Variants in ZNF287 observed in about 807,000 individuals in gnomAD.
ZNF287 encodes zinc finger protein with KRAB and SCAN domains 13.
A neutral mutation model predicts 73.7 loss-of-function variants in ZNF287; 31 were observed. The ratio of observed to expected loss-of-function variants is 0.42; its 90% CI spans 0.32 to 0.57. The LOEUF (loss-of-function observed/expected upper bound fraction) is 0.57, where lower values mean the gene tolerates loss of function less well. Ranked by LOEUF, ZNF287 falls within the 20% of genes least tolerant of loss-of-function variation. The pLI, the probability that ZNF287 is intolerant of heterozygous loss-of-function variation, is 0.13. For synonymous variants in ZNF287, 301 were observed against 307.2 expected (o/e 0.98, Z 0.21); for missense variants, 641 against 909.3 (o/e 0.70, Z 3.79).
chr17:16,564,253 T>C (rs1015923864), intron 3 of ZNF287, among the ~76,000 whole-genome samples: 2 of 152,248 alleles, frequency 1.3e-5, no homozygotes, highest in African/African-American at 4.8e-5. Context: ...TGGACTGGAG[T>C]GCGATGGTAC....
In ZNF287 at chr17:16,552,761, A is replaced by C. The variant is rs1906763854; in HGVS notation, c.1381T>G (p.Phe461Val). The C allele has an allele frequency of 1.2e-6, 2 of 1,614,066 alleles. No individual in the cohort carries two copies. The highest frequency in any genetic ancestry group is 1.7e-6 in the Non-Finnish European group (2 of 1,179,986). ...PYKCDDCGKD[F>V]SQRAHLTIHQ... ...ATGGTAAGGTGTGCACGCTGACTGA[A>C]GTCTTTCCCACAGTCATCACACTTA... Residue 461 changes from phenylalanine (F) to valine (V), a missense_variant, in exon 6 of 6, where the codon TTC becomes GTC. Transcript: ENST00000395825. The surrounding 1 kb of genome is among the most constrained non-coding windows in gnomAD (Gnocchi z 6.5).
intron 5 of ZNF287, among the ~76,000 whole-genome samples, chr17:16,561,034 A>C (rs1470746462): frequency 2.8e-5 from 4 of 140,624 alleles, no homozygotes; most frequent in South Asian, 2.3e-4. Flanking sequence ...ACCATTTTGC[A>C]GCTGGGCACG....
At position 16,553,256 on chromosome 17, in the gene ZNF287, A is replaced by C; in HGVS notation, c.886T>G (p.Leu296Val). The C allele has an allele frequency of 6.2e-7, 1 of 1,613,602 alleles. No individual in the cohort carries two copies. The highest frequency in any genetic ancestry group is 8.5e-7 in the Non-Finnish European group (1 of 1,179,610). ...TATTCTTGTGAAAGGACTGACTTCA[A>C]ACTGAAACCTCTTTCATCAGTGTGA... ...KIHTDERGFSLKSVLSQEYDP... is the reference protein window; with the variant it reads ...KIHTDERGFSVKSVLSQEYDP... Residue 296 changes from leucine to valine, a missense_variant, in exon 6 of 6, where the codon TTG becomes GTG. By Grantham distance (32) the Leu-to-Val change is conservative (BLOSUM62 1). Around this residue, in one of 2 missense-constraint regions of ZNF287, gnomAD observed 357 missense variants for 442.4 expected, o/e 0.81. Coordinates refer to ENST00000395825, the MANE Select transcript of ZNF287 (RefSeq NM_020653.4).
Position 16,553,228 on chromosome 17 carries a change from T to A in ZNF287, c.914A>T (p.Asp305Val). Residue 305 changes from aspartate (D) to valine (V), a missense_variant, in exon 6 of 6, where the codon GAT becomes GTT. By Grantham distance (152) the Asp-to-Val change is radical. This residue lies in a region of ZNF287 where 357 missense variants were observed against 442.4 expected (regional missense o/e 0.81). Coordinates refer to ENST00000395825, the MANE Select transcript of ZNF287 (RefSeq NM_020653.4). ...TTTACTAAGACATTCTTCTGTAGGATCATATTCTTGTGAAAGGACTGACTT... is the reference window on the plus strand; with the variant it reads ...TTTACTAAGACATTCTTCTGTAGGAACATATTCTTGTGAAAGGACTGACTT... ...SLKSVLSQEY[D>V]PTEECLSKYD... is the part of the protein sequence containing the mutation. 1 of 1,608,910 alleles carries A rather than the reference T, an allele frequency of 6.2e-7. No homozygotes were observed. Among genetic ancestry groups the A allele is most frequent in the South Asian group, 1.1e-5 (1 of 90,896 alleles).
At position 16,549,237 on chromosome 17, in the gene ZNF287, G is replaced by A. The variant is rs1227697832; in HGVS notation, c.*2619C>T. Among the ~76,000 whole-genome samples the A allele has an allele frequency of 3.3e-5, 5 of 152,068 alleles. No individual in the cohort carries two copies. The highest frequency in any genetic ancestry group is 7.4e-5 in the Non-Finnish European group (5 of 68,024). ...TGCGGGTCAGACAACTGTAAAAGTG[G>A]GAAAAATACACAAAGATCTAGGGTT... On this transcript the variant is annotated 3_prime_UTR_variant, in exon 6 of 6. Coordinates refer to ENST00000395825, the MANE Select transcript of ZNF287 (RefSeq NM_020653.4).
chr17:16,553,117 T>G lies in ZNF287; in HGVS notation c.1025A>C (p.Tyr342Ser), dbSNP rs1170936490. Residue 342 changes from tyrosine (Y) to serine (S), a missense_variant, in exon 6 of 6, where the codon TAT (tyrosine) becomes TCT (serine). Coordinates refer to ENST00000395825, the MANE Select transcript of ZNF287 (RefSeq NM_020653.4). ...DTQLDNKTSV[Y>S]NEGRATFNHV... is the part of the protein sequence containing the mutation. ...ATTGAAGGTTGCCCTGCCTTCATTA[T>G]ACACAGAAGTTTTATTATCTAATTG... is the stretch of plus-strand genomic sequence containing the variant. 1.2e-6 allele frequency: 2 copies of G among 1,613,796 alleles called. No individual in the cohort carries two copies. The highest frequency in any genetic ancestry group is 2.2e-5 in the South Asian group (2 of 91,082).
chr17:16,561,518 A>G lies in ZNF287; in HGVS notation c.715+1628T>C, dbSNP rs1907451681. ...AGATCCTGTACACACCACCTTAACCAAACTGAGCATCACCAATGATGAGAT... is the reference window on the plus strand; with the variant it reads ...AGATCCTGTACACACCACCTTAACCGAACTGAGCATCACCAATGATGAGAT... On this transcript the variant is annotated intron_variant, in intron 5 of 5. Coordinates refer to ENST00000395825, the MANE Select transcript of ZNF287 (RefSeq NM_020653.4). 1.3e-5 allele frequency among the ~76,000 whole-genome samples: 2 copies of G among 152,200 alleles called. 1 individual carries two copies. The highest frequency in any genetic ancestry group is 4.1e-4 in the South Asian group (2 of 4,834).
Position 16,550,758 on chromosome 17 carries a change from G to A in ZNF287, c.*1098C>T, listed in dbSNP as rs1460694094. Among the ~76,000 whole-genome samples the A allele has an allele frequency of 6.6e-6, 1 of 152,122 alleles. No individual in the cohort carries two copies. The highest frequency in any genetic ancestry group is 1.5e-5 in the Non-Finnish European group (1 of 68,038). ...AGACACTCAAGAAACGTGTTTCAGT[G>A]GAAGAAATGAACTTTCCATAGTAAA... is the stretch of plus-strand genomic sequence containing the variant. On this transcript the variant is annotated 3_prime_UTR_variant, in exon 6 of 6. Transcript: ENST00000395825.
At chr17:16,563,100 A>C in intron 5 of ZNF287, 46 bp downstream of exon 5, 4 of 1,403,872 alleles carry the variant, frequency 2.8e-6, no homozygotes, top group Non-Finnish European at 3.0e-6. Flanking sequence ...CATTTAGGAT[A>C]TAGATTCTTA....
At chr17:16,568,495 G>A (rs997509627) in intron 1 of ZNF287, among the ~76,000 whole-genome samples, 1 of 152,190 alleles carries the variant, frequency 6.6e-6, no homozygotes, top group African/African-American at 2.4e-5. Context: ...GTGACTTCAA[G>A]TCCTTTAAGT....
chr17:16,564,138 G>C (rs1907611814), intron 3 of ZNF287, among the ~76,000 whole-genome samples: 3 of 152,302 alleles, frequency 2.0e-5, no homozygotes, highest in South Asian at 2.1e-4. Flanking sequence ...GTCTCGCTCT[G>C]TTGCCTGTGC....
Position 16,551,684 on chromosome 17 carries a change from A to T in ZNF287, c.*172T>A, listed in dbSNP as rs1906668664. 6.7e-6 allele frequency: 4 copies of T among 599,378 alleles called. No individual in the cohort carries two copies. Among genetic ancestry groups the T allele is most frequent in the Non-Finnish European group, 1.1e-5 (4 of 372,384 alleles). The allele number at this position is 599,378 out of a possible 1,614,324, so 37.1% of individuals were successfully genotyped here. ...GTTAAGAAGTCAAGTTTCCTTCTTAAATTTCACATTAAATCTAAATAGGTT... is the reference window on the plus strand; with the variant it reads ...GTTAAGAAGTCAAGTTTCCTTCTTATATTTCACATTAAATCTAAATAGGTT... On this transcript the variant is annotated 3_prime_UTR_variant, in exon 6 of 6. Transcript: ENST00000395825.
rs1906568300 is a variant in ZNF287 at position 16,550,400 on chromosome 17, G to A, written c.*1456C>T. On this transcript the variant is annotated 3_prime_UTR_variant, in exon 6 of 6. Transcript: ENST00000395825. ...CAAAGCAAGTCCAATTACATTTCAT[G>A]TTATAGCAATTATCTATGTATGTTT... Among the ~76,000 whole-genome samples, 1 of 152,088 alleles carries A rather than the reference G, an allele frequency of 6.6e-6. No homozygotes were observed.
rs140014582 is a variant in ZNF287 at position 16,553,353 on chromosome 17, G to A, written c.789C>T (p.Thr263=). The A allele has an allele frequency of 4.2e-5, 68 of 1,611,894 alleles. No individual in the cohort carries two copies. In the East Asian group the frequency reaches 1.4e-3, roughly 33 times the overall value. ...AGTCATATGAGTCTTCTAATTTGAT[G>A]GTATGGGTTTCTTCCTTTGTGAGTT... ...MSKLTKEETH[T]IKLEDSYDYD... Residue 263 remains threonine, a synonymous_variant, in exon 6 of 6, where the codon ACC becomes ACT. Coordinates refer to ENST00000395825, the MANE Select transcript of ZNF287 (RefSeq NM_020653.4).
chr17:16,556,163 CAG>C (rs111419334), intron 5 of ZNF287, among the ~76,000 whole-genome samples: 1 of 150,228 alleles, frequency 6.7e-6, no homozygotes, highest in African/African-American at 2.5e-5. Flanking sequence ...CAGACAGACA[CAG>C]ACACACACAC....
In ZNF287 at chr17:16,547,006, T is replaced by C. The variant is rs572873500; in HGVS notation, c.*4850A>G. ...TGGTTATAGTGTTCTAAGGGGCTAA[T>C]AATTATGAAAGATAGAGCCATGGGG... On this transcript the variant is annotated 3_prime_UTR_variant, in exon 6 of 6. Transcript: ENST00000395825. Among the ~76,000 whole-genome samples, 1 of 152,212 alleles carries C rather than the reference T, an allele frequency of 6.6e-6. No individual in the cohort carries two copies. The highest frequency in any genetic ancestry group is 1.5e-5 in the Non-Finnish European group (1 of 68,040).
chr17:16,558,317 T>C (rs1907205512), intron 5 of ZNF287: 1 of 152,142 alleles, frequency 6.6e-6, no homozygotes, highest in Non-Finnish European at 1.5e-5. Context: ...TTTTTTTCTT[T>C]GAGACAGTCT....
rs752562155 is a variant in ZNF287, at chr17:16,552,331, C to A, written c.1811G>T (p.Ser604Ile). 6.2e-7 allele frequency: 1 copy of A among 1,613,990 alleles called. No individual in the cohort carries two copies. Among genetic ancestry groups the A allele is most frequent in the Non-Finnish European group, 8.5e-7 (1 of 1,179,972 alleles). Residue 604 changes from serine (S) to isoleucine (I), a missense_variant, in exon 6 of 6, where the codon AGT (serine) becomes ATT (isoleucine). Physicochemically the swap from Ser to Ile is moderately radical, Grantham distance 142. Around this residue, in one of 2 missense-constraint regions of ZNF287, gnomAD observed 284 missense variants for 466.8 expected, o/e 0.61. Transcript: ENST00000395825. This position sits in a 1 kb window ranked among gnomAD's most constrained non-coding sequence, Gnocchi z 6.5. ...TCTATGATGTTGAGTAAGATTTGCA[C>A]TCTGGCTGAAGGCTTTCCCACATAT... Reference protein sequence around the residue: ...CNICGKAFSQSANLTQHHRTH... With the variant: ...CNICGKAFSQIANLTQHHRTH...
chr17:16,562,637 A>T (rs908750985), intron 5 of ZNF287, among the ~76,000 whole-genome samples: 5 of 151,466 alleles, frequency 3.3e-5, no homozygotes, highest in South Asian at 2.1e-4. Flanking sequence ...ATATTTATAT[A>T]TTTTTTTTGC....
Sources: gnomAD v4.1 joint callset for allele counts (sites outside exome capture counted in the v4.1 genomes callset) on GRCh38, gnomAD v4.1.1 for gene constraint, gnomAD v4.1.1 regional missense constraint, Gnocchi (gnomAD v3.1) non-coding constraint, MANE v1.5 for transcripts, NCBI Gene and HGNC (gene_info 2026-07-23, HGNC 2026-07-21) for gene names.